CYP2C19: variants seen among roughly 807,000 people sequenced by gnomAD.
The protein encoded by CYP2C19 is cytochrome P450 family 2 subfamily C member 19, also known as cytochrome P450 2C19.
CYP2C19 carries 59 observed loss-of-function variants against 40.9 expected under a neutral mutation model. That is an observed-to-expected ratio of 1.44 (90% CI 1.17 to 1.79). The LOEUF is 1.79. CYP2C19 is among the 40% of genes most tolerant of loss of function. The pLI is 0.00. For missense variants in CYP2C19, 754 were observed against 596.9 expected (o/e 1.26, Z -2.74); for synonymous variants, 253 against 208.7 (o/e 1.21, Z -1.83).
At chr10:94,807,302 C>T (rs1349687325) in intron 5 of CYP2C19, among the ~76,000 whole-genome samples, 1 of 152,036 alleles carries the variant, frequency 6.6e-6, no homozygotes, top group African/African-American at 2.4e-5. Context: ...TGTTGATGGA[C>T]ACTTAGGTTG....
Position 94,853,978 on chromosome 10 carries a change from T to C in CYP2C19, c.*1064T>C, listed in dbSNP as rs1459082507. 1.3e-5 allele frequency among the ~76,000 whole-genome samples: 2 copies of C among 152,188 alleles called. No homozygotes were observed. The highest frequency in any genetic ancestry group is 2.4e-5 in the African/African-American group (1 of 41,464). On this transcript the variant is annotated 3_prime_UTR_variant, in exon 9 of 9. Coordinates refer to ENST00000371321, the MANE Select transcript of CYP2C19 (RefSeq NM_000769.4). ...CTTTCATATTGCTGCTCATGTGTTT[T>C]GTCATGCTTCTCTCTTCAAACATGA...
chr10:94,835,612 A>C (rs575265482), intron 6 of CYP2C19, among the ~76,000 whole-genome samples: 2 of 152,156 alleles, frequency 1.3e-5, no homozygotes, highest in South Asian at 4.1e-4. Context: ...TGACCCCAGC[A>C]GTGTAAGACT....
intron 6 of CYP2C19, among the ~76,000 whole-genome samples, chr10:94,842,337 T>A (rs1295687300): frequency 6.6e-6 from 1 of 151,892 alleles, no homozygotes; most frequent in Non-Finnish European, 1.5e-5. Flanking sequence ...TCCTTTGGAA[T>A]GTACTGTCTC....
intron 5 of CYP2C19, among the ~76,000 whole-genome samples, chr10:94,799,994 C>G (rs1848741731): frequency 6.6e-6 from 1 of 152,144 alleles, no homozygotes. Flanking sequence ...CATTCTGAAG[C>G]CTACTTCTGT....
At chr10:94,833,917 G>A (rs1023761525) in intron 6 of CYP2C19, among the ~76,000 whole-genome samples, 2 of 152,086 alleles carry the variant, frequency 1.3e-5, no homozygotes, top group Non-Finnish European at 2.9e-5. Flanking sequence ...TTTTGTTGAG[G>A]ATTGTTGCAT....
intron 5 of CYP2C19, among the ~76,000 whole-genome samples, chr10:94,811,110 A>G (rs1486463589): frequency 6.6e-6 from 1 of 152,172 alleles, no homozygotes; most frequent in African/African-American, 2.4e-5. Context: ...TTCAAAGAAC[A>G]TCTTTATTTT....
chr10:94,840,650 G>A (rs1045898198), intron 6 of CYP2C19, among the ~76,000 whole-genome samples: 10 of 152,198 alleles, frequency 6.6e-5, no homozygotes, highest in Non-Finnish European at 1.3e-4. Flanking sequence ...AGGGGCGCAC[G>A]CATGTGTGAC....
rs1443525162 is a variant in CYP2C19 at position 94,820,078 on chromosome 10, G to A, written c.820-418G>A. ...GGCTTCATCCCTGGGATGCAAGGCT[G>A]GTTCAATATATGCAAATCAATAAAT... On this transcript the variant is annotated intron_variant, in intron 5 of 8. Transcript: ENST00000371321. Among the ~76,000 whole-genome samples, 3 of 150,750 alleles carry A rather than the reference G, an allele frequency of 2.0e-5. No homozygotes were observed. In the East Asian group the frequency reaches 5.8e-4, roughly 29 times the overall value.
At chr10:94,768,402 C>T (rs976159047) in intron 1 of CYP2C19, among the ~76,000 whole-genome samples, 2 of 152,158 alleles carry the variant, frequency 1.3e-5, no homozygotes, top group Non-Finnish European at 2.9e-5. Context: ...GAGGTCATCT[C>T]AGGTGGCATA....
chr10:94,842,373 T>C (rs1849508039), intron 6 of CYP2C19, among the ~76,000 whole-genome samples: 1 of 149,630 alleles, frequency 6.7e-6, no homozygotes, highest in Non-Finnish European at 1.5e-5. Context: ...TTTCAGTCTA[T>C]GTGTGTTTTT....
chr10:94,808,813 C>T (rs550971685), intron 5 of CYP2C19, among the ~76,000 whole-genome samples: 164 of 152,234 alleles, frequency 1.1e-3, no homozygotes, highest in Non-Finnish European at 2.0e-3. Flanking sequence ...ATATGTACCA[C>T]GTTTTCTTTA....
At chr10:94,817,379 T>C (rs1289824286) in intron 5 of CYP2C19, among the ~76,000 whole-genome samples, 1 of 148,144 alleles carries the variant, frequency 6.8e-6, no homozygotes, top group Non-Finnish European at 1.5e-5. Context: ...AATGTCTTCT[T>C]TTGAGAAGTG....
At chr10:94,797,566 C>T (rs1053454670) in intron 5 of CYP2C19, among the ~76,000 whole-genome samples, 1 of 152,096 alleles carries the variant, frequency 6.6e-6, no homozygotes. Flanking sequence ...AAGGAGTGTA[C>T]CATCTCCTCT....
chr10:94,815,962 ATTAAT>A (rs1848995744), intron 5 of CYP2C19, among the ~76,000 whole-genome samples: 1 of 152,160 alleles, frequency 6.6e-6, no homozygotes, highest in Admixed American at 6.5e-5. Flanking sequence ...TCCTATTTTT[ATTAAT>A]TTAAGTTGTG....
In CYP2C19 at chr10:94,855,522, T is replaced by C. The variant is rs1849718127; in HGVS notation, c.*2608T>C. Among the ~76,000 whole-genome samples, 1 of 152,226 alleles carries C rather than the reference T, an allele frequency of 6.6e-6. No homozygotes were observed. The highest frequency in any genetic ancestry group is 2.4e-5 in the African/African-American group (1 of 41,460). On this transcript the variant is annotated 3_prime_UTR_variant, in exon 9 of 9. Coordinates refer to ENST00000371321, the MANE Select transcript of CYP2C19 (RefSeq NM_000769.4). ...GCCACCTGAAACACTGTTTAGAAGA[T>C]ACTGGCTCAATAAATATTTAATGAA...
chr10:94,812,978 T>G (rs936590195), intron 5 of CYP2C19, among the ~76,000 whole-genome samples: 7 of 146,994 alleles, frequency 4.8e-5, no homozygotes, highest in Admixed American at 2.0e-4. Context: ...TTTTGTGCTG[T>G]TTTTTTTTTC....
intron 3 of CYP2C19, among the ~76,000 whole-genome samples, chr10:94,779,832 T>C (rs1256300496): frequency 7.9e-5 from 12 of 152,144 alleles, no homozygotes; most frequent in African/African-American, 2.9e-4. Flanking sequence ...AGTGCTGGGA[T>C]TACAGGCATG....
chr10:94,791,831 A>C (rs1257948388), intron 5 of CYP2C19, among the ~76,000 whole-genome samples: 2 of 152,146 alleles, frequency 1.3e-5, no homozygotes, highest in Non-Finnish European at 2.9e-5. Context: ...GCTGAGAAGA[A>C]TGTATATTCT....
intron 6 of CYP2C19, among the ~76,000 whole-genome samples, chr10:94,825,428 T>C (rs1334311777): frequency 6.6e-6 from 1 of 150,718 alleles, no homozygotes; most frequent in African/African-American, 2.5e-5. Flanking sequence ...CATTTTTTCA[T>C]GTGTTTTTTG....
Sources: gnomAD v4.1 joint callset for allele counts (sites outside exome capture counted in the v4.1 genomes callset) on GRCh38, gnomAD v4.1.1 for gene constraint, MANE v1.5 for transcripts, NCBI Gene and HGNC (gene_info 2026-07-23, HGNC 2026-07-21) for gene names.